Variants in SLC8A1 observed in about 807,000 individuals in gnomAD.
The protein encoded by SLC8A1 is solute carrier family 8 member A1, also known as sodium/calcium exchanger 1.
Under a neutral mutation model 68.3 loss-of-function variants are expected in SLC8A1, and 18 were observed. The observed-to-expected ratio is 0.26, with a 90% CI of 0.18 to 0.39. The LOEUF (loss-of-function observed/expected upper bound fraction) is 0.39. SLC8A1 is among the 10% of genes least tolerant of loss of function. SLC8A1 has a pLI of 1.00. For synonymous variants in SLC8A1, 475 were observed against 415.5 expected, an observed-to-expected ratio of 1.14 and a Z score of -1.74; for missense variants, 985 against 1,156.7, an observed-to-expected ratio of 0.85 and a Z score of 2.15.
At chr2:40,361,447 A>T (rs1181719849) in intron 2 of SLC8A1, among the ~76,000 whole-genome samples, 1 of 146,990 alleles carries the variant, frequency 6.8e-6, no homozygotes, top group Non-Finnish European at 1.5e-5. Context: ...GCACATTAGT[A>T]GAGCTCCTGA....
intron 2 of SLC8A1, among the ~76,000 whole-genome samples, chr2:40,402,426 G>A (rs894199370): frequency 2.0e-5 from 3 of 152,182 alleles, no homozygotes; most frequent in East Asian, 1.9e-4. Context: ...CCATGCTGCT[G>A]CTCTGAGTAG....
At chr2:40,464,374 T>C (rs1423351346) in intron 1 of SLC8A1, among the ~76,000 whole-genome samples, 2 of 152,232 alleles carry the variant, frequency 1.3e-5, no homozygotes, top group African/African-American at 2.4e-5. Flanking sequence ...CCTCTTTGTT[T>C]GCAGTTAAGT....
intron 4 of SLC8A1, among the ~76,000 whole-genome samples, chr2:40,173,240 G>A (rs1279423380): frequency 6.6e-6 from 1 of 152,020 alleles, no homozygotes; most frequent in East Asian, 1.9e-4. Context: ...TGTTTACAAG[G>A]GGACTTCAAG....
chr2:40,407,995 G>T (rs1690911102), intron 2 of SLC8A1, among the ~76,000 whole-genome samples: 1 of 152,134 alleles, frequency 6.6e-6, no homozygotes, highest in African/African-American at 2.4e-5. Context: ...AACCGTGTTA[G>T]GCATCACAGA....
intron 2 of SLC8A1, among the ~76,000 whole-genome samples, chr2:40,198,252 A>G (rs2053470675): frequency 6.6e-6 from 1 of 152,020 alleles, no homozygotes; most frequent in African/African-American, 2.4e-5. Context: ...GTTTTGGAAG[A>G]TAACGGTAGC....
chr2:40,117,716 C>T (rs2035793001), intron 7 of SLC8A1, among the ~76,000 whole-genome samples: 1 of 152,172 alleles, frequency 6.6e-6, no homozygotes, highest in African/African-American at 2.4e-5. Flanking sequence ...CTGCTCTGGT[C>T]CTCCTGAGGT....
At chr2:40,230,420 T>G (rs1295541098) in intron 2 of SLC8A1, among the ~76,000 whole-genome samples, 1 of 152,158 alleles carries the variant, frequency 6.6e-6, no homozygotes, top group Non-Finnish European at 1.5e-5. Flanking sequence ...AGGATGGCTT[T>G]CATTATAACA....
chr2:40,456,082 T>C (rs1487802024), upstream of SLC8A1, among the ~76,000 whole-genome samples: 1 of 152,088 alleles, frequency 6.6e-6, no homozygotes, highest in Non-Finnish European at 1.5e-5. Flanking sequence ...TTTGGGAGGT[T>C]GAGGCGGGTG....
chr2:40,117,863 C>T (rs2035833087), intron 7 of SLC8A1, among the ~76,000 whole-genome samples: 1 of 152,144 alleles, frequency 6.6e-6, no homozygotes, highest in Non-Finnish European at 1.5e-5. Context: ...AAATATAGAT[C>T]AGCCCATGGA....
chr2:40,114,198 C>T lies in SLC8A1; in HGVS notation c.*1055G>A, dbSNP rs746300513. The T allele has an allele frequency of 1.6e-4, 24 of 152,688 alleles. 1 individual carries two copies. The highest frequency in any genetic ancestry group is 5.9e-5 in the Non-Finnish European group (4 of 68,064). 9.5% of individuals were successfully genotyped at this position (152,688 alleles called of 1,614,324 possible). On this transcript the variant is annotated 3_prime_UTR_variant, in exon 8 of 8. Transcript: ENST00000406785. ...GTAACAGGTATCACAACAACATTTC[C>T]GAACGGCACATGAAGAAGGAGCAAA...
intron 2 of SLC8A1, among the ~76,000 whole-genome samples, chr2:40,290,098 G>A (rs1245951283): frequency 6.6e-6 from 1 of 151,886 alleles, no homozygotes; most frequent in African/African-American, 2.4e-5. Context: ...AGGAGTTTTT[G>A]CTTATTATTT....
At chr2:40,449,820 C>A (rs911466174) in intron 1 of SLC8A1, among the ~76,000 whole-genome samples, 1 of 152,150 alleles carries the variant, frequency 6.6e-6, no homozygotes, top group Non-Finnish European at 1.5e-5. Flanking sequence ...CCCTATACAG[C>A]TCAACAATAA....
At chr2:40,135,211 G>A (rs1558482438) in intron 7 of SLC8A1, among the ~76,000 whole-genome samples, 1 of 152,178 alleles carries the variant, frequency 6.6e-6, no homozygotes, top group Non-Finnish European at 1.5e-5. Flanking sequence ...ATGCTTTTCA[G>A]AGTTTATCCT....
At position 40,108,280 on chromosome 2, in the gene SLC8A1, G is replaced by T. The variant is rs2034345814; in HGVS notation, c.*6973C>A. The T allele has an allele frequency of 2.1e-5, 3 of 146,324 alleles. No individual in the cohort carries two copies. In the South Asian group the frequency reaches 6.9e-4, roughly 34 times the overall value. 9.1% of individuals were successfully genotyped at this position (146,324 alleles called of 1,614,324 possible). ...ATAACTCAATAATTTGGAAACGTGT[G>T]CCAAAAACATGCTTTTCTTTGGTTG... is the stretch of plus-strand genomic sequence containing the variant. On this transcript the variant is annotated 3_prime_UTR_variant, in exon 8 of 8. Coordinates refer to ENST00000406785, the Ensembl canonical transcript of SLC8A1.
At chr2:40,511,508 C>G (rs1430900645) in intron 1 of SLC8A1, among the ~76,000 whole-genome samples, 1 of 152,114 alleles carries the variant, frequency 6.6e-6, no homozygotes, top group Non-Finnish European at 1.5e-5. Context: ...AAATACAGGA[C>G]AGTCGTATAG....
chr2:40,323,677 C>T (rs1207856535), intron 2 of SLC8A1, among the ~76,000 whole-genome samples: 1 of 151,966 alleles, frequency 6.6e-6, no homozygotes, highest in African/African-American at 2.4e-5. Context: ...TGTCCCAATG[C>T]CCAGTTCCTA....
chr2:40,282,960 G>A (rs34409901), intron 2 of SLC8A1, among the ~76,000 whole-genome samples: 28,280 of 151,992 alleles, frequency 0.19, 3,362 homozygotes, highest in East Asian at 0.37. Flanking sequence ...AAATGATCCT[G>A]ACTTATTAAA....
intron 1 of SLC8A1, among the ~76,000 whole-genome samples, chr2:40,477,487 G>A (rs1210967753): frequency 6.6e-6 from 1 of 152,032 alleles, no homozygotes; most frequent in African/African-American, 2.4e-5. Context: ...CTTAAACAAT[G>A]TCTTAGATAC....
At chr2:40,334,464 G>C (rs899163976) in intron 2 of SLC8A1, among the ~76,000 whole-genome samples, 1 of 152,072 alleles carries the variant, frequency 6.6e-6, no homozygotes, top group African/African-American at 2.4e-5. Context: ...AATCACACTA[G>C]AAAATGAAAT....
Sources: gnomAD v4.1 joint callset for allele counts (sites outside exome capture counted in the v4.1 genomes callset) on GRCh38, gnomAD v4.1.1 for gene constraint, MANE v1.5 for transcripts, NCBI Gene and HGNC (gene_info 2026-07-23, HGNC 2026-07-21) for gene names.